Variants in NCOA2 observed in about 807,000 individuals in gnomAD.
The protein encoded by NCOA2 is class E basic helix-loop-helix protein 75.
NCOA2 carries 21 observed loss-of-function variants against 145.1 expected under a neutral mutation model. That is an observed-to-expected ratio of 0.14 (90% CI 0.10 to 0.21). The LOEUF (loss-of-function observed/expected upper bound fraction) is 0.21. NCOA2 is among the 10% of genes least tolerant of loss of function. The pLI is 1.00. For missense variants in NCOA2, 1,472 were observed against 1,837.6 expected, an observed-to-expected ratio of 0.80 and a Z score of 3.64; for synonymous variants, 619 against 637.5, an observed-to-expected ratio of 0.97 and a Z score of 0.44.
At chr8:70,430,127 A>G in the NCOA2 span, among the ~76,000 whole-genome samples, 2 of 152,236 alleles carry the variant, frequency 1.3e-5, no homozygotes, top group African/African-American at 4.8e-5. Flanking sequence ...TGCTAGGATT[A>G]CAGGCATGAG....
intron 1 of NCOA2, among the ~76,000 whole-genome samples, chr8:70,324,084 A>T (rs1806331800): frequency 6.6e-6 from 1 of 152,192 alleles, no homozygotes. Context: ...TTCAAGACTG[A>T]CATGTATATG....
the NCOA2 span, among the ~76,000 whole-genome samples, chr8:70,409,858 C>G: frequency 6.6e-6 from 1 of 151,404 alleles, no homozygotes. Flanking sequence ...GGAGCCTGAG[C>G]AAGAGAGCAA....
At chr8:70,401,741 G>A (rs569262232) in intron 1 of NCOA2, 1 of 152,012 alleles carries the variant, frequency 6.6e-6, no homozygotes, top group Non-Finnish European at 1.5e-5. Flanking sequence ...TCCCCATTCT[G>A]GCATAGCTGA....
intron 1 of NCOA2, among the ~76,000 whole-genome samples, chr8:70,307,202 C>A: frequency 8.2e-6 from 1 of 121,822 alleles, no homozygotes; most frequent in Non-Finnish European, 1.6e-5. Context: ...CAGTTATTGG[C>A]TGTTGTACCT....
intron 2 of NCOA2, among the ~76,000 whole-genome samples, chr8:70,243,929 A>C (rs1822386482): frequency 6.6e-6 from 1 of 152,192 alleles, no homozygotes; most frequent in African/African-American, 2.4e-5. Flanking sequence ...CCATTTAATA[A>C]AATTAATGAT....
At chr8:70,239,602 G>A (rs530017812) in intron 2 of NCOA2, among the ~76,000 whole-genome samples, 24 of 152,096 alleles carry the variant, frequency 1.6e-4, no homozygotes, top group East Asian at 5.8e-4. Context: ...GACACTGCCC[G>A]CCCCCCAGCA....
intron 14 of NCOA2, among the ~76,000 whole-genome samples, chr8:70,140,593 GTTTTTTTTTTT>G (rs71558582): frequency 1.1e-4 from 9 of 79,786 alleles, no homozygotes. Flanking sequence ...TACCACCTAA[GTTTTTTTTTTT>G]TTTTTTTTTT....
intron 2 of NCOA2, among the ~76,000 whole-genome samples, chr8:70,242,455 C>A (rs1434216302): frequency 1.3e-5 from 2 of 152,104 alleles, no homozygotes; most frequent in African/African-American, 4.8e-5. Context: ...AAAGAGCCAT[C>A]ACTACTAAAA....
At chr8:70,129,746 A>C (rs1048647473) in intron 16 of NCOA2, among the ~76,000 whole-genome samples, 2 of 151,466 alleles carry the variant, frequency 1.3e-5, no homozygotes, top group Non-Finnish European at 2.9e-5. Flanking sequence ...ATCTCGGCTC[A>C]CTGCAACCTT....
intron 2 of NCOA2, among the ~76,000 whole-genome samples, chr8:70,231,165 T>A (rs192427009): frequency 6.6e-6 from 1 of 152,366 alleles, no homozygotes; most frequent in East Asian, 1.9e-4. Flanking sequence ...TGTATTAATT[T>A]ACAATCCCCT....
At position 70,337,200 on chromosome 8, in the gene NCOA2, A is replaced by AGTGTGTGTGT. The variant is rs72265721; in HGVS notation, c.-76-40410_-76-40401dup. 4.9e-3 allele frequency among the ~76,000 whole-genome samples: 717 copies of AGTGTGTGTGT among 146,326 alleles called. 4 individuals carry two copies. The highest frequency in any genetic ancestry group is 0.017 in the African/African-American group (683 of 40,334). ...TTTAGCCTACCCAGCACTGCTGAGG[A>AGTGTGTGTGT]GTGTGTGTGTGTGTGTGTGTGTGTG... On this transcript the variant is annotated intron_variant, in intron 1 of 22. Transcript: ENST00000452400.
intron 1 of NCOA2, among the ~76,000 whole-genome samples, chr8:70,334,816 T>G (rs540049296): frequency 6.2e-4 from 94 of 152,024 alleles, no homozygotes; most frequent in Non-Finnish European, 1.2e-3. Context: ...TAATATTCAT[T>G]TTGCTCTGGT....
chr8:70,257,398 T>C (rs115653503), intron 2 of NCOA2, among the ~76,000 whole-genome samples: 1,622 of 152,274 alleles, frequency 0.011, 42 homozygotes, highest in African/African-American at 0.037. Flanking sequence ...GCACTGCATA[T>C]AGCAGCAAAC....
chr8:70,379,038 A>C (rs1174274788), intron 1 of NCOA2, among the ~76,000 whole-genome samples: 1 of 152,186 alleles, frequency 6.6e-6, no homozygotes, highest in Non-Finnish European at 1.5e-5. Flanking sequence ...TCCTGAAGAC[A>C]AGCAGTTAAA....
At chr8:70,129,086 C>CT in intron 16 of NCOA2, 106 bp from the exon 17 acceptor site, 1 of 1,099,530 alleles carries the variant, frequency 9.1e-7, no homozygotes, top group South Asian at 1.7e-5. Flanking sequence ...GCTTTTTATA[C>CT]TTTTTAATAT....
At chr8:70,191,694 G>A (rs1285105726) in intron 4 of NCOA2, among the ~76,000 whole-genome samples, 2 of 152,140 alleles carry the variant, frequency 1.3e-5, no homozygotes, top group East Asian at 3.9e-4. Context: ...AGAAGTGAGA[G>A]AGACCCATGA....
chr8:70,247,545 A>G (rs1437165832), intron 2 of NCOA2, among the ~76,000 whole-genome samples: 1 of 152,204 alleles, frequency 6.6e-6, no homozygotes, highest in Non-Finnish European at 1.5e-5. Context: ...CCAAGGCAAC[A>G]TATAAAATCA....
chr8:70,144,884 T>C (rs774459457), intron 12 of NCOA2, 36 bp from the exon 13 acceptor site: 6 of 1,546,314 alleles, frequency 3.9e-6, no homozygotes, highest in East Asian at 4.5e-5. Flanking sequence ...AAGGTTAATA[T>C]AGGATAATGG....
At chr8:70,313,071 AACATTT>A (rs1805264529) in intron 1 of NCOA2, among the ~76,000 whole-genome samples, 1 of 152,208 alleles carries the variant, frequency 6.6e-6, no homozygotes, top group Non-Finnish European at 1.5e-5. Flanking sequence ...ATTGGGAACA[AACATTT>A]ACAGGTAAAG....
Sources: allele counts gnomAD v4.1 joint callset (sites outside exome capture counted in the v4.1 genomes callset), GRCh38; gene constraint gnomAD v4.1.1; transcripts MANE v1.5; gene names NCBI Gene and HGNC (gene_info 2026-07-23, HGNC 2026-07-21).